MTUS2: variants seen among roughly 807,000 people sequenced by gnomAD.
The protein encoded by MTUS2 is microtubule-associated tumor suppressor candidate 2.
In MTUS2, 40 loss-of-function variants were observed where a neutral mutation model predicts 114.1. The observed-to-expected ratio is 0.35, with a 90% CI of 0.27 to 0.46. The LOEUF (loss-of-function observed/expected upper bound fraction) is 0.46, where lower values mean the gene tolerates loss of function less well. Among genes scored for constraint, MTUS2 ranks in the 20% least tolerant of loss-of-function variants. The pLI, the probability that MTUS2 is intolerant of heterozygous loss-of-function variation, is 1.00. For missense variants in MTUS2, 1,679 were observed against 1,705.4 expected, an observed-to-expected ratio of 0.98 and a Z score of 0.27; for synonymous variants, 688 against 672.0, an observed-to-expected ratio of 1.02 and a Z score of -0.37.
intron 5 of MTUS2, among the ~76,000 whole-genome samples, chr13:29,178,238 T>A (rs1240617102): frequency 6.6e-6 from 1 of 152,174 alleles, no homozygotes; most frequent in African/African-American, 2.4e-5. Flanking sequence ...ACTAAAGCAT[T>A]TGTATTAATG....
rs186854311 is a variant in MTUS2, at chr13:29,332,666, G to A, written c.2905+7955G>A. Among the ~76,000 whole-genome samples the A allele has an allele frequency of 1.6e-3, 208 of 131,392 alleles. 7 individuals are homozygous for A. The East Asian group carries it at 0.032, about 20-fold the overall frequency. The allele number at this position is 131,392 out of a possible 152,430, so 86.2% of individuals were successfully genotyped here. On this transcript the variant is annotated intron_variant, in intron 7 of 15. Coordinates refer to ENST00000612955, the MANE Select transcript of MTUS2 (RefSeq NM_001033602.4). The stretch of plus-strand genomic sequence containing the variant: ...TTTTTTTTTTCGGACACAGAGTCTC[G>A]CTCAGTCGCCCAGGCTGGAGTGCAG...
chr13:28,862,152 A>G (rs1877028294), intron 2 of MTUS2, among the ~76,000 whole-genome samples: 1 of 152,234 alleles, frequency 6.6e-6, no homozygotes, highest in Non-Finnish European at 1.5e-5. Context: ...AATAGCACAG[A>G]TCAATCTGAA....
intron 5 of MTUS2, among the ~76,000 whole-genome samples, chr13:29,245,694 A>ATTTTTT (rs34670074): frequency 1.6e-5 from 2 of 125,582 alleles, no homozygotes; most frequent in Non-Finnish European, 3.3e-5. Flanking sequence ...ATCTATTTTA[A>ATTTTTT]TTTTTTTTTT....
At chr13:29,365,413 TAAGA>T in intron 8 of MTUS2, among the ~76,000 whole-genome samples, 1 of 152,024 alleles carries the variant, frequency 6.6e-6, no homozygotes, top group Non-Finnish European at 1.5e-5. Context: ...TAAGGTGCAA[TAAGA>T]TGAGAACAGA....
chr13:28,942,389 T>G (rs542042194), intron 2 of MTUS2, among the ~76,000 whole-genome samples: 3 of 152,368 alleles, frequency 2.0e-5, no homozygotes, highest in Non-Finnish European at 4.4e-5. Context: ...GGAATGTGTA[T>G]TTGTACACCA....
intron 5 of MTUS2, among the ~76,000 whole-genome samples, chr13:29,264,909 T>C (rs916890136): frequency 6.6e-6 from 1 of 152,268 alleles, no homozygotes; most frequent in Non-Finnish European, 1.5e-5. Context: ...GCCTTGGATA[T>C]TAGCACTTGA....
In MTUS2 at chr13:29,296,394, A is replaced by G. The variant is rs149463283; in HGVS notation, c.2806+14529A>G. Among the ~76,000 whole-genome samples, 78 of 152,008 alleles carry G rather than the reference A, an allele frequency of 5.1e-4. No individual in the cohort carries two copies. The East Asian group carries it at 0.014, about 27-fold the overall frequency. On this transcript the variant is annotated intron_variant, in intron 6 of 15. Coordinates refer to ENST00000612955, the MANE Select transcript of MTUS2 (RefSeq NM_001033602.4). ...CAATTAAAAAAAATTTTTTTTTTGT[A>G]GAGATGGGGTCTTGCTACATTGTCC...
intron 5 of MTUS2, among the ~76,000 whole-genome samples, chr13:29,104,573 T>A (rs1890575035): frequency 6.6e-6 from 1 of 152,186 alleles, no homozygotes; most frequent in African/African-American, 2.4e-5. Flanking sequence ...GTGCTCTCTA[T>A]GAGTTCAGAT....
At chr13:28,983,743 C>A (rs1459459528) in intron 2 of MTUS2, among the ~76,000 whole-genome samples, 2 of 152,238 alleles carry the variant, frequency 1.3e-5, no homozygotes, top group Non-Finnish European at 2.9e-5. Context: ...AGCCAGCAAT[C>A]TGTGTTTTAA....
intron 4 of MTUS2, among the ~76,000 whole-genome samples, chr13:29,042,778 T>C (rs1887431305): frequency 6.6e-6 from 1 of 152,184 alleles, no homozygotes; most frequent in Admixed American, 6.5e-5. Flanking sequence ...TAGCCTGGAA[T>C]GATCTTTTGT....
rs114797894 is a variant in MTUS2 at position 29,277,703 on chromosome 13, A to C, written c.2645-4001A>C. On this transcript the variant is annotated intron_variant, in intron 5 of 15. Transcript: ENST00000612955. ...CCAGCCTCCCTTGATGGCTTTTGTG[A>C]CTGAGTTCCAGCCAGTAGACTGAAG... 5.1e-3 allele frequency among the ~76,000 whole-genome samples: 781 copies of C among 152,268 alleles called. 10 individuals are homozygous for C. Among genetic ancestry groups the C allele is most frequent in the African/African-American group, 0.018 (749 of 41,544 alleles).
chr13:29,274,459 G>C (rs1897987626), intron 5 of MTUS2, among the ~76,000 whole-genome samples: 1 of 152,050 alleles, frequency 6.6e-6, no homozygotes, highest in South Asian at 2.1e-4. Flanking sequence ...CTCCAAAGCA[G>C]CTGCACCATT....
Position 29,232,432 on chromosome 13 carries a change from A to G in MTUS2, c.2645-49272A>G, listed in dbSNP as rs147126574. On this transcript the variant is annotated intron_variant, in intron 5 of 15. Transcript: ENST00000612955. Reference sequence around the variant, plus strand: ...TAAATTCCAAGAATGTGAGAGCTGGATGGAACTTTAGAGTATATGTAAAAT... The same window carrying G: ...TAAATTCCAAGAATGTGAGAGCTGGGTGGAACTTTAGAGTATATGTAAAAT... Among the ~76,000 whole-genome samples the G allele has an allele frequency of 5.1e-3, 774 of 152,336 alleles. 29 individuals carry two copies. Among genetic ancestry groups the G allele is most frequent in the Admixed American group, 0.048 (731 of 15,304 alleles).
At chr13:29,130,901 G>T (rs1252218698) in intron 5 of MTUS2, among the ~76,000 whole-genome samples, 2 of 152,194 alleles carry the variant, frequency 1.3e-5, no homozygotes, top group Non-Finnish European at 1.5e-5. Context: ...TGGGATTACA[G>T]GCGTGAACTA....
At chr13:28,843,986 A>C (rs181384611) in intron 2 of MTUS2, among the ~76,000 whole-genome samples, 1 of 152,396 alleles carries the variant, frequency 6.6e-6, no homozygotes, top group Non-Finnish European at 1.5e-5. Flanking sequence ...TGTGATACTC[A>C]TATTATGTCA....
At chr13:29,151,935 A>G (rs1272286408) in intron 5 of MTUS2, among the ~76,000 whole-genome samples, 2 of 152,036 alleles carry the variant, frequency 1.3e-5, no homozygotes, top group Non-Finnish European at 2.9e-5. Flanking sequence ...TAGGTTTGCT[A>G]GTGTTTTGTT....
intron 1 of MTUS2, among the ~76,000 whole-genome samples, chr13:28,823,527 A>G (rs749784237): frequency 4.6e-5 from 7 of 152,106 alleles, no homozygotes; most frequent in Non-Finnish European, 1.0e-4. Context: ...TCAGTCATCT[A>G]TCTACCATCC....
At chr13:28,949,075 AT>A (rs148150121) in intron 2 of MTUS2, among the ~76,000 whole-genome samples, 39 of 151,968 alleles carry the variant, frequency 2.6e-4, no homozygotes, top group African/African-American at 8.4e-4. Context: ...AAATGTTTAA[AT>A]TTTTTTTTCC....
chr13:29,364,815 G>A (rs191748878), intron 8 of MTUS2, among the ~76,000 whole-genome samples: 11 of 152,262 alleles, frequency 7.2e-5, no homozygotes, highest in African/African-American at 2.4e-4. Context: ...CAAGCTCTTT[G>A]TTGCTTCCTA....
Sources: gnomAD v4.1 joint callset for allele counts (sites outside exome capture counted in the v4.1 genomes callset) on GRCh38, gnomAD v4.1.1 for gene constraint, MANE v1.5 for transcripts, NCBI Gene and HGNC (gene_info 2026-07-23, HGNC 2026-07-21) for gene names.